Variants in FNDC3B observed in about 807,000 individuals in gnomAD.
The protein encoded by FNDC3B is fibronectin type III domain-containing protein 3B.
A neutral mutation model predicts 151.5 loss-of-function variants in FNDC3B; 12 were observed. The observed-to-expected ratio is 0.08, with a 90% CI of 0.05 to 0.13. The LOEUF (loss-of-function observed/expected upper bound fraction) is 0.13. FNDC3B is among the 10% of genes least tolerant of loss of function. FNDC3B has a pLI of 1.00. For missense variants in FNDC3B, 1,214 were observed against 1,505.3 expected, an observed-to-expected ratio of 0.81 and a Z score of 3.20; for synonymous variants, 528 against 549.0, an observed-to-expected ratio of 0.96 and a Z score of 0.54.
intron 6 of FNDC3B, among the ~76,000 whole-genome samples, chr3:172,270,236 C>T (rs1729131987): frequency 6.6e-6 from 1 of 152,252 alleles, no homozygotes; most frequent in South Asian, 2.1e-4. Flanking sequence ...GTGTTACTCT[C>T]TTTGCTGGTC....
At chr3:172,104,606 G>A (rs1719547945) in intron 1 of FNDC3B, among the ~76,000 whole-genome samples, 1 of 152,146 alleles carries the variant, frequency 6.6e-6, no homozygotes, top group Admixed American at 6.5e-5. Flanking sequence ...CCTGTCCAAT[G>A]GCAGTGTCCC....
intron 23 of FNDC3B, among the ~76,000 whole-genome samples, chr3:172,366,479 GA>G (rs918731245): frequency 1.4e-4 from 20 of 147,192 alleles, no homozygotes; most frequent in African/African-American, 4.0e-4. Context: ...CCATTTAGGT[GA>G]AAAAAAAAAC....
intron 22 of FNDC3B, among the ~76,000 whole-genome samples, chr3:172,355,093 A>G (rs1185027463): frequency 6.6e-6 from 1 of 152,146 alleles, no homozygotes; most frequent in African/African-American, 2.4e-5. Context: ...TTACAATACT[A>G]CTTTTAAAGG....
chr3:172,307,681 A>C (rs1421649904), intron 10 of FNDC3B, among the ~76,000 whole-genome samples, 180 bp downstream of exon 10: 1 of 152,134 alleles, frequency 6.6e-6, no homozygotes, highest in Non-Finnish European at 1.5e-5. Flanking sequence ...GCAACAGAGA[A>C]AGAGTCTCGA....
At chr3:172,295,610 C>A in intron 8 of FNDC3B, 96 bp downstream of exon 8, 1 of 1,134,504 alleles carries the variant, frequency 8.8e-7, no homozygotes, top group Non-Finnish European at 1.2e-6. Flanking sequence ...ATAGGCTTGG[C>A]AAATTTTCCT....
chr3:172,236,282 T>C (rs34460686), intron 4 of FNDC3B, among the ~76,000 whole-genome samples: 1 of 152,208 alleles, frequency 6.6e-6, no homozygotes, highest in African/African-American at 2.4e-5. Flanking sequence ...TACAATCAAG[T>C]GTGAAAGAAG....
chr3:172,154,764 G>A (rs1056347017), intron 3 of FNDC3B, among the ~76,000 whole-genome samples: 1 of 152,234 alleles, frequency 6.6e-6, no homozygotes, highest in East Asian at 1.9e-4. Flanking sequence ...GTAGGGTCAC[G>A]GTGTTAGGTC....
chr3:172,093,585 G>C (rs543578996), intron 1 of FNDC3B, among the ~76,000 whole-genome samples: 1 of 152,212 alleles, frequency 6.6e-6, no homozygotes, highest in Admixed American at 6.5e-5. Flanking sequence ...ATTTTAGAGA[G>C]TGGGTCTCTT....
chr3:172,331,900 G>A (rs1158339816), intron 13 of FNDC3B, among the ~76,000 whole-genome samples: 1 of 152,182 alleles, frequency 6.6e-6, no homozygotes, highest in Non-Finnish European at 1.5e-5. Context: ...CATCCAGTAT[G>A]GTGGCACCTA....
chr3:172,069,531 T>A (rs931114063), intron 1 of FNDC3B, among the ~76,000 whole-genome samples: 27 of 152,208 alleles, frequency 1.8e-4, no homozygotes, highest in African/African-American at 6.5e-4. Flanking sequence ...GTTTGTTACA[T>A]AGGTGAATGA....
intron 11 of FNDC3B, among the ~76,000 whole-genome samples, chr3:172,313,481 C>T (rs981619585): frequency 1.4e-4 from 21 of 152,152 alleles, no homozygotes; most frequent in Non-Finnish European, 1.9e-4. Context: ...TCTCTTCTGA[C>T]AAGAGAATAT....
intron 3 of FNDC3B, among the ~76,000 whole-genome samples, chr3:172,189,797 T>G (rs1724406927): frequency 1.4e-5 from 1 of 69,918 alleles, no homozygotes; most frequent in Admixed American, 1.8e-4. Context: ...TGAGACCTTG[T>G]CTAAAAAAAA....
At chr3:172,296,450 C>A (rs77252917) in intron 8 of FNDC3B, among the ~76,000 whole-genome samples, 4,780 of 152,254 alleles carry the variant, frequency 0.031, 257 homozygotes, top group African/African-American at 0.11. Context: ...CCTCCTCTTG[C>A]TACCCAGGCT....
chr3:172,268,196 A>G (rs1401367631), intron 6 of FNDC3B, among the ~76,000 whole-genome samples: 1 of 152,208 alleles, frequency 6.6e-6, no homozygotes, highest in African/African-American at 2.4e-5. Context: ...ATCCTGTCAT[A>G]CTTGGCGGAA....
chr3:172,266,615 T>A (rs9290448), intron 6 of FNDC3B, among the ~76,000 whole-genome samples: 44,041 of 152,038 alleles, frequency 0.29, 9,832 homozygotes, highest in African/African-American at 0.63. Context: ...TCTAGGAAAA[T>A]ATCTGTTCCT....
intron 1 of FNDC3B, among the ~76,000 whole-genome samples, chr3:172,073,575 A>G (rs895356021): frequency 1.3e-5 from 2 of 152,192 alleles, no homozygotes; most frequent in African/African-American, 2.4e-5. Flanking sequence ...CGAAAAGACA[A>G]TTATGGTTTA....
At chr3:172,255,460 G>A (rs1033816138) in intron 6 of FNDC3B, among the ~76,000 whole-genome samples, 13 of 152,170 alleles carry the variant, frequency 8.5e-5, no homozygotes, top group Non-Finnish European at 1.8e-4. Context: ...AGTAGAGATG[G>A]CGTTTCACCA....
intron 2 of FNDC3B, among the ~76,000 whole-genome samples, chr3:172,114,328 A>G (rs1322391688): frequency 1.3e-5 from 2 of 152,180 alleles, no homozygotes; most frequent in African/African-American, 4.8e-5. Context: ...AAGAAAAAAA[A>G]AAGACAAGGT....
At chr3:172,186,755 C>T in intron 3 of FNDC3B, 2 of 702,372 alleles carry the variant, frequency 2.8e-6, no homozygotes, top group Non-Finnish European at 5.2e-6. Flanking sequence ...TTTTTCATCT[C>T]AGCTTTTTCC....
Sources: allele counts gnomAD v4.1 joint callset (sites outside exome capture counted in the v4.1 genomes callset), GRCh38; gene constraint gnomAD v4.1.1; transcripts MANE v1.5; gene names NCBI Gene and HGNC (gene_info 2026-07-23, HGNC 2026-07-21).